The following TIAM2 variants were observed in gnomAD, a reference collection of about 807,000 sequenced individuals.
The protein encoded by TIAM2 is rho guanine nucleotide exchange factor TIAM2.
TIAM2 carries 80 observed loss-of-function variants against 152.9 expected under a neutral mutation model. The ratio of observed to expected loss-of-function variants is 0.52; its 90% CI spans 0.44 to 0.63. The LOEUF is 0.63. Among genes scored for constraint, TIAM2 ranks in the 30% least tolerant of loss-of-function variants. TIAM2 has a pLI of 0.00. For missense variants in TIAM2, 1,965 were observed against 2,120.1 expected, an observed-to-expected ratio of 0.93 and a Z score of 1.44; for synonymous variants, 804 against 838.0, an observed-to-expected ratio of 0.96 and a Z score of 0.70.
At chr6:155,146,676 A>C in intron 6 of TIAM2, among the ~76,000 whole-genome samples, 1 of 150,840 alleles carries the variant, frequency 6.6e-6, no homozygotes. Flanking sequence ...GCTCACTGCA[A>C]CCTCTGCCTC....
At chr6:155,117,175 G>T (rs1436790874) in intron 2 of TIAM2, among the ~76,000 whole-genome samples, 1 of 151,816 alleles carries the variant, frequency 6.6e-6, no homozygotes, top group Non-Finnish European at 1.5e-5. Flanking sequence ...AGACAATATT[G>T]ATTCTGTAAT....
chr6:155,229,201 C>G (rs1468495733), intron 15 of TIAM2, among the ~76,000 whole-genome samples: 1 of 152,154 alleles, frequency 6.6e-6, no homozygotes, highest in Non-Finnish European at 1.5e-5. Flanking sequence ...TTGCCTCTTT[C>G]TGCCTTTTAT....
Position 155,253,030 on chromosome 6 carries a change from A to G in TIAM2, c.4202A>G (p.Gln1401Arg), listed in dbSNP as rs779513380. The change falls in exon 24 of 27, where the codon CAA (glutamine) becomes CGA (arginine). Residue 1401 changes from glutamine to arginine, a missense_variant. By Grantham distance (43) the Gln-to-Arg change is conservative. Coordinates refer to ENST00000682666, the MANE Select transcript of TIAM2 (RefSeq NM_012454.4). Reference sequence around the variant, plus strand: ...TGGTTGATCCCCATCTCCGCGCTTCAAGTCAGACTGGGGAATCCAGCAGGT... The same window carrying G: ...TGGTTGATCCCCATCTCCGCGCTTCGAGTCAGACTGGGGAATCCAGCAGGT... ...FRWLIPISAL[Q>R]VRLGNPAGTE... The G allele has an allele frequency of 3.7e-6, 6 of 1,613,996 alleles. No homozygotes were observed. The East Asian group carries it at 1.1e-4, about 30-fold the overall frequency.
chr6:155,141,017 TAGACCAGGA>T (rs1412387027), intron 5 of TIAM2, among the ~76,000 whole-genome samples: 2 of 152,176 alleles, frequency 1.3e-5, no homozygotes, highest in African/African-American at 4.8e-5. Flanking sequence ...TCCCAAAAGG[TAGACCAGGA>T]ACTTCTGGCT....
chr6:155,186,827 C>A lies in TIAM2; in HGVS notation c.3064+3327C>A, dbSNP rs1276769674. ...TGACTTTGAAAAACAGTTTTTAATA[C>A]AACTTTGAATTATAACTTAGCAGTG... is the stretch of plus-strand genomic sequence containing the variant. On this transcript the variant is annotated intron_variant, in intron 14 of 26. Coordinates refer to ENST00000682666, the MANE Select transcript of TIAM2 (RefSeq NM_012454.4). This position sits in a 1 kb window ranked among gnomAD's most constrained non-coding sequence, Gnocchi z 4.5. Among the ~76,000 whole-genome samples, 1 of 152,098 alleles carries A rather than the reference C, an allele frequency of 6.6e-6. No individual in the cohort carries two copies. The highest frequency in any genetic ancestry group is 1.5e-5 in the Non-Finnish European group (1 of 68,010).
intron 1 of TIAM2, among the ~76,000 whole-genome samples, chr6:155,023,250 T>C (rs1347882499): frequency 6.6e-6 from 1 of 152,168 alleles, no homozygotes; most frequent in East Asian, 1.9e-4. Flanking sequence ...AAGTTGCAGG[T>C]ACCTGGCACC....
In TIAM2 at chr6:155,148,206, C is replaced by A. The variant is rs764031545; in HGVS notation, c.1900C>A (p.Arg634=). The A allele has an allele frequency of 3.7e-6, 6 of 1,613,258 alleles. No individual in the cohort carries two copies. Among genetic ancestry groups the A allele is most frequent in the Admixed American group, 1.7e-5 (1 of 60,000 alleles). ...GAAGCATGGGAAAGAGGACACGCTG[C>A]GGCTGCTGAAGAACCAGACCAAAAA... is the stretch of plus-strand genomic sequence containing the variant. ...AKKHGKEDTL[R]LLKNQTKNLL... Residue 634 remains arginine (R), a synonymous_variant, in exon 7 of 27, where the codon CGG becomes AGG. Transcript: ENST00000682666.
intron 1 of TIAM2, among the ~76,000 whole-genome samples, chr6:155,059,047 A>G (rs560322137): frequency 5.9e-5 from 9 of 152,314 alleles, no homozygotes; most frequent in African/African-American, 1.7e-4. Flanking sequence ...AGGCATCAAC[A>G]CTAGGAAATT....
intron 14 of TIAM2, among the ~76,000 whole-genome samples, chr6:155,210,464 G>A (rs949302318): frequency 2.7e-5 from 4 of 150,810 alleles, no homozygotes; most frequent in South Asian, 2.1e-4. Flanking sequence ...GATTATAGCC[G>A]CATACCACCA....
At chr6:155,173,199 G>GTGTGTC (rs141491120) in intron 9 of TIAM2, among the ~76,000 whole-genome samples, 397 of 149,762 alleles carry the variant, frequency 2.7e-3, no homozygotes, top group African/African-American at 6.3e-3. Context: ...GTGTGTGTGT[G>GTGTGTC]TGTCTGTCTG....
rs1781910961 is a variant in TIAM2 at position 155,218,112 on chromosome 6, T to C, written c.3168+6805T>C. Reference sequence around the variant, plus strand: ...TTGCAAGATCTTTTTGGTTATGTTTTTGTTAGGCAGTCAAGCTAAAAGATA... The same window carrying C: ...TTGCAAGATCTTTTTGGTTATGTTTCTGTTAGGCAGTCAAGCTAAAAGATA... On this transcript the variant is annotated intron_variant, in intron 15 of 26. Transcript: ENST00000682666. This position sits in a 1 kb window ranked among gnomAD's most constrained non-coding sequence, Gnocchi z 4.5. Among the ~76,000 whole-genome samples, 1 of 152,250 alleles carries C rather than the reference T, an allele frequency of 6.6e-6. No homozygotes were observed. Among genetic ancestry groups the C allele is most frequent in the Admixed American group, 6.5e-5 (1 of 15,290 alleles).
rs1780111306 is a variant in TIAM2, at chr6:155,156,301, C to T, written c.2028+7967C>T. On this transcript the variant is annotated intron_variant, in intron 7 of 26. Coordinates refer to ENST00000682666, the MANE Select transcript of TIAM2 (RefSeq NM_012454.4). This position sits in a 1 kb window ranked among gnomAD's most constrained non-coding sequence, Gnocchi z 4.4. The stretch of plus-strand genomic sequence containing the variant: ...CCTCCCGGTACCACTGCAGAAGCCT[C>T]CGGTTTCGCCCTTCGTCTGATGCAT... Among the ~76,000 whole-genome samples the T allele has an allele frequency of 1.3e-5, 2 of 152,124 alleles. No individual in the cohort carries two copies. Among genetic ancestry groups the T allele is most frequent in the African/African-American group, 4.8e-5 (2 of 41,422 alleles).
At chr6:155,221,566 C>T (rs1157637015) in intron 15 of TIAM2, among the ~76,000 whole-genome samples, 1 of 152,174 alleles carries the variant, frequency 6.6e-6, no homozygotes, top group Non-Finnish European at 1.5e-5. Context: ...ATATGTTTGA[C>T]CTTTTCAAGG....
rs534400450 is a variant in TIAM2 at position 155,126,735 on chromosome 6, T to TAAAA, written c.-117-752_-117-751insAAAA. ...AAGAAGAACAAAACTCTGTCTCAAA[T>TAAAA]AAATAAATAAATAAATAAATGGTAA... On this transcript the variant is annotated intron_variant, in intron 2 of 26. Coordinates refer to ENST00000682666, the MANE Select transcript of TIAM2 (RefSeq NM_012454.4). Among the ~76,000 whole-genome samples the TAAAA allele has an allele frequency of 2.0e-4, 30 of 150,820 alleles. No individual in the cohort carries two copies. In the South Asian group the frequency reaches 5.9e-3, roughly 30 times the overall value.
chr6:155,023,813 T>C (rs180802385), intron 1 of TIAM2, among the ~76,000 whole-genome samples: 1 of 152,304 alleles, frequency 6.6e-6, no homozygotes, highest in African/African-American at 2.4e-5. Context: ...GTAAACCACT[T>C]GTTGAGCCGC....
Position 155,144,722 on chromosome 6 carries a change from A to G in TIAM2, c.1747A>G (p.Lys583Glu), listed in dbSNP as rs747453367. Residue 583 changes from lysine to glutamate, a missense_variant, in exon 6 of 27, where the codon AAG (lysine) becomes GAG (glutamate). This residue lies in a region of TIAM2 where 1,025 missense variants were observed against 1,119.4 expected (regional missense o/e 0.92). Transcript: ENST00000682666. ...SIVQSVPEHPKKENVFCLSNS... is the reference protein window; with the variant it reads ...SIVQSVPEHPEKENVFCLSNS... Reference sequence around the variant, plus strand: ...AGTGCAGTCTGTTCCAGAGCATCCCAAGAAAGAAAATGTGTTCTGCCTCAG... The same window carrying G: ...AGTGCAGTCTGTTCCAGAGCATCCCGAGAAAGAAAATGTGTTCTGCCTCAG... 4.3e-6 allele frequency: 7 copies of G among 1,610,768 alleles called. No individual in the cohort carries two copies. Among genetic ancestry groups the G allele is most frequent in the Admixed American group, 1.7e-5 (1 of 59,350 alleles).
At chr6:155,099,220 A>ATATATATGTG (rs1222226963) in intron 2 of TIAM2, among the ~76,000 whole-genome samples, 1 of 148,186 alleles carries the variant, frequency 6.7e-6, no homozygotes, top group African/African-American at 2.5e-5. Context: ...GTATATATAT[A>ATATATATGTG]TGTGTGTGTG....
At chr6:155,097,331 T>A (rs1188613090) in intron 2 of TIAM2, among the ~76,000 whole-genome samples, 1 of 152,294 alleles carries the variant, frequency 6.6e-6, no homozygotes, top group Middle Eastern at 3.4e-3. Context: ...TTCCCTTTTC[T>A]GTGCAGAGCT....
chr6:155,114,053 T>G (rs1377614780), intron 2 of TIAM2, among the ~76,000 whole-genome samples: 1 of 97,828 alleles, frequency 1.0e-5, no homozygotes, highest in Admixed American at 1.1e-4. Context: ...TTTTTTTCTT[T>G]TTTTTTTTTT....
Sources: allele counts gnomAD v4.1 joint callset (sites outside exome capture counted in the v4.1 genomes callset), GRCh38; gene constraint gnomAD v4.1.1; regional missense constraint gnomAD v4.1.1; non-coding constraint Gnocchi (gnomAD v3.1); transcripts MANE v1.5; gene names NCBI Gene and HGNC (gene_info 2026-07-23, HGNC 2026-07-21).